Variants in MCTP1 observed in about 807,000 individuals in gnomAD.
MCTP1 encodes multiple C2 and transmembrane domain containing 1, also known as multiple C2 and transmembrane domain-containing protein 1.
MCTP1 carries 69 observed loss-of-function variants against 120.6 expected under a neutral mutation model. The ratio of observed to expected loss-of-function variants is 0.57; its 90% CI spans 0.47 to 0.70. MCTP1 has a LOEUF of 0.70. Among genes scored for constraint, MCTP1 ranks in the 30% least tolerant of loss-of-function variants. MCTP1 has a pLI of 0.00. For missense variants in MCTP1, 1,203 were observed against 1,248.8 expected (o/e 0.96, Z 0.55); for synonymous variants, 529 against 493.1 (o/e 1.07, Z -0.96).
chr5:95,046,740 T>C (rs1382884321), intron 1 of MCTP1, among the ~76,000 whole-genome samples: 1 of 152,134 alleles, frequency 6.6e-6, no homozygotes, highest in Non-Finnish European at 1.5e-5. Context: ...CGCTACTCCA[T>C]ACCATATCGA....
chr5:94,812,455 GAA>G (rs57511429), intron 17 of MCTP1, among the ~76,000 whole-genome samples: 5 of 104,578 alleles, frequency 4.8e-5, no homozygotes, highest in African/African-American at 1.1e-4. Context: ...TCAGGGATAC[GAA>G]AAAAAAAAAA....
chr5:94,881,857 G>T (rs1052049363), intron 12 of MCTP1, among the ~76,000 whole-genome samples: 1 of 152,104 alleles, frequency 6.6e-6, no homozygotes, highest in African/African-American at 2.4e-5. Flanking sequence ...TAAAACGCCA[G>T]ATATACCAGT....
rs565863074 is a variant in MCTP1 at position 95,092,056 on chromosome 5, G to A, written c.721-74572C>T. Among the ~76,000 whole-genome samples, 146 of 152,314 alleles carry A rather than the reference G, an allele frequency of 9.6e-4. No homozygotes were observed. In the Middle Eastern group the frequency reaches 0.014, roughly 14 times the overall value. On this transcript the variant is annotated intron_variant, in intron 1 of 22. Coordinates refer to ENST00000515393, the MANE Select transcript of MCTP1 (RefSeq NM_024717.7). ...AAAGAAAGGGGTCTCTTATTATGTA[G>A]AAGCAGAACATTTCACAAAACTATC...
intron 17 of MCTP1, among the ~76,000 whole-genome samples, chr5:94,837,142 C>A (rs961143000): frequency 6.6e-6 from 1 of 152,062 alleles, no homozygotes; most frequent in Non-Finnish European, 1.5e-5. Flanking sequence ...CTTTGGGAGG[C>A]CAAGGTGGGA....
rs74733958 is a variant in MCTP1, at chr5:94,874,759, C to G, written c.1934-1518G>C. On this transcript the variant is annotated intron_variant, in intron 12 of 22. Transcript: ENST00000515393. ...AAAGAATATTTTGTTCATTAAAACA[C>G]GTAGCAATAGGTTTTATGTGGCACA... 6.1e-3 allele frequency among the ~76,000 whole-genome samples: 932 copies of G among 152,236 alleles called. 7 individuals are homozygous for G. Among genetic ancestry groups the G allele is most frequent in the African/African-American group, 0.022 (901 of 41,552 alleles).
intron 1 of MCTP1, among the ~76,000 whole-genome samples, chr5:95,226,232 A>G (rs1754249534): frequency 6.6e-6 from 1 of 151,962 alleles, no homozygotes; most frequent in Admixed American, 6.6e-5. Context: ...AAGGATATTT[A>G]TTGTTAATGT....
Position 94,736,540 on chromosome 5 carries a change from GATAA to G in MCTP1, c.2611-21658_2611-21655del, listed in dbSNP as rs752782371. On this transcript the variant is annotated intron_variant, in intron 19 of 22. Transcript: ENST00000515393. The stretch of plus-strand genomic sequence containing the variant: ...TGATATGCATTCCCATGTTTATATA[GATAA>G]ATAAAGGCAATGTAAATATAGATTA... Among the ~76,000 whole-genome samples the G allele has an allele frequency of 3.9e-5, 6 of 152,220 alleles. No individual in the cohort carries two copies. In the East Asian group the frequency reaches 9.7e-4, roughly 25 times the overall value.
intron 12 of MCTP1, 31 bp from the exon 13 acceptor site, chr5:94,873,272 T>G: frequency 7.9e-7 from 1 of 1,261,644 alleles, no homozygotes; most frequent in South Asian, 1.2e-5. Flanking sequence ...ATATTTTTAG[T>G]GTACATAGCA....
chr5:95,072,142 A>G lies in MCTP1; in HGVS notation c.721-54658T>C, dbSNP rs186179885. ...GGAGGTTTGTTGGCAAATTGATGCTAAAGCATATTTGGCTTTGGTTCTGGA... is the reference window on the plus strand; with the variant it reads ...GGAGGTTTGTTGGCAAATTGATGCTGAAGCATATTTGGCTTTGGTTCTGGA... On this transcript the variant is annotated intron_variant, in intron 1 of 22. Transcript: ENST00000515393. Among the ~76,000 whole-genome samples, 22 of 145,536 alleles carry G rather than the reference A, an allele frequency of 1.5e-4. No homozygotes were observed. In the South Asian group the frequency reaches 1.5e-3, roughly 10 times the overall value.
chr5:94,768,495 C>T (rs774082154), intron 19 of MCTP1, among the ~76,000 whole-genome samples: 1 of 151,750 alleles, frequency 6.6e-6, no homozygotes. Flanking sequence ...ATCCAACAAG[C>T]GACTCGTAAT....
At chr5:94,729,542 C>T (rs964740192) in intron 19 of MCTP1, among the ~76,000 whole-genome samples, 2 of 152,150 alleles carry the variant, frequency 1.3e-5, no homozygotes, top group African/African-American at 2.4e-5. Flanking sequence ...AGTCTCCTTC[C>T]AGTATCTCCC....
chr5:95,144,023 G>T (rs570647083), intron 1 of MCTP1, among the ~76,000 whole-genome samples: 5 of 152,030 alleles, frequency 3.3e-5, no homozygotes, highest in Non-Finnish European at 7.4e-5. Context: ...GCATTCCTAC[G>T]AACAGTGTCT....
intron 10 of MCTP1, among the ~76,000 whole-genome samples, chr5:94,896,055 AG>A (rs1803906538): frequency 6.6e-6 from 1 of 152,190 alleles, no homozygotes; most frequent in South Asian, 2.1e-4. Flanking sequence ...CTGCATTCCA[AG>A]GTACTCTCAT....
chr5:94,964,166 A>G (rs575775725), intron 2 of MCTP1, among the ~76,000 whole-genome samples: 2 of 152,152 alleles, frequency 1.3e-5, no homozygotes, highest in Non-Finnish European at 2.9e-5. Flanking sequence ...TGCTAGCATC[A>G]TACTGGTTAT....
At chr5:95,006,280 C>T (rs1834730010) in intron 2 of MCTP1, among the ~76,000 whole-genome samples, 2 of 150,694 alleles carry the variant, frequency 1.3e-5, no homozygotes, top group South Asian at 2.1e-4. Flanking sequence ...AACACATATA[C>T]ATATATATGT....
intron 1 of MCTP1, among the ~76,000 whole-genome samples, chr5:95,222,449 T>A (rs1396033449): frequency 6.6e-6 from 1 of 152,256 alleles, no homozygotes; most frequent in Non-Finnish European, 1.5e-5. Flanking sequence ...CTTGCTAATT[T>A]TAAAGATTCT....
At chr5:95,169,352 A>T (rs1746899369) in intron 1 of MCTP1, among the ~76,000 whole-genome samples, 1 of 152,138 alleles carries the variant, frequency 6.6e-6, no homozygotes, top group African/African-American at 2.4e-5. Flanking sequence ...TTGGTCTATA[A>T]TTCTCTTTTT....
At chr5:94,707,879 C>T (rs7737366) in intron 22 of MCTP1, among the ~76,000 whole-genome samples, 22,512 of 151,282 alleles carry the variant, frequency 0.15, 1,865 homozygotes, top group East Asian at 0.33. Flanking sequence ...TACAATTTAT[C>T]GTGTGTTTGC....
rs1254421348 is a variant in MCTP1 at position 95,123,707 on chromosome 5, T to G, written c.721-106223A>C. Among the ~76,000 whole-genome samples the G allele has an allele frequency of 2.0e-5, 3 of 151,602 alleles. No individual in the cohort carries two copies. In the East Asian group the frequency reaches 5.8e-4, roughly 29 times the overall value. ...CTCTGTTGCCCAGGCTGGAGTGCAGTGGCACGATCTCGGCTCACTGCAAGC... is the reference window on the plus strand; with the variant it reads ...CTCTGTTGCCCAGGCTGGAGTGCAGGGGCACGATCTCGGCTCACTGCAAGC... On this transcript the variant is annotated intron_variant, in intron 1 of 22. Transcript: ENST00000515393.
Sources: gnomAD v4.1 joint callset for allele counts (sites outside exome capture counted in the v4.1 genomes callset) on GRCh38, gnomAD v4.1.1 for gene constraint, MANE v1.5 for transcripts, NCBI Gene and HGNC (gene_info 2026-07-23, HGNC 2026-07-21) for gene names.